Variants in HHAT observed in about 807,000 individuals in gnomAD.
HHAT encodes hedgehog acyltransferase.
HHAT carries 47 observed loss-of-function variants against 70.8 expected under a neutral mutation model. The ratio of observed to expected loss-of-function variants is 0.66; its 90% CI spans 0.53 to 0.85. The LOEUF (loss-of-function observed/expected upper bound fraction) is 0.85, where lower values mean the gene tolerates loss of function less well. Ranked by LOEUF, HHAT falls within the 40% of genes least tolerant of loss-of-function variation. The pLI, the probability that HHAT is intolerant of heterozygous loss-of-function variation, is 0.00. For synonymous variants in HHAT, 228 were observed against 247.6 expected (o/e 0.92, Z 0.74); for missense variants, 609 against 604.8 (o/e 1.01, Z -0.07).
chr1:210,380,505 A>G (rs1323828573), intron 3 of HHAT, among the ~76,000 whole-genome samples: 2 of 152,168 alleles, frequency 1.3e-5, no homozygotes, highest in Admixed American at 6.5e-5. Flanking sequence ...ATGCCACTGC[A>G]CTCCAGCCTG....
At chr1:210,521,278 T>C (rs1358307424) in intron 9 of HHAT, among the ~76,000 whole-genome samples, 3 of 152,134 alleles carry the variant, frequency 2.0e-5, no homozygotes, top group African/African-American at 4.8e-5. Flanking sequence ...CTCCTGGAGG[T>C]TGGTGCAGGT....
intron 7 of HHAT, among the ~76,000 whole-genome samples, chr1:210,455,878 T>A (rs772605576): frequency 6.6e-6 from 1 of 152,204 alleles, no homozygotes; most frequent in Non-Finnish European, 1.5e-5. Context: ...TTTTACTGTT[T>A]GTGTGATTAT....
chr1:210,654,048 ATGGAATAGTGTGACGG>A (rs1558363247), intron 11 of HHAT, among the ~76,000 whole-genome samples: 4 of 220 alleles, frequency 0.018, no homozygotes, highest in African/African-American at 0.028. Context: ...GAATAGTGTG[ATGGAATAGTGTGACGG>A]TGGAATAGTG....
At chr1:210,430,192 T>C (rs2093201943) in intron 7 of HHAT, among the ~76,000 whole-genome samples, 1 of 151,920 alleles carries the variant, frequency 6.6e-6, no homozygotes, top group Non-Finnish European at 1.5e-5. Context: ...TGTGTTCTCT[T>C]GATGAGCCTT....
chr1:210,343,481 G>C (rs922413672), intron 1 of HHAT, among the ~76,000 whole-genome samples: 1 of 152,222 alleles, frequency 6.6e-6, no homozygotes, highest in Non-Finnish European at 1.5e-5. Flanking sequence ...ACAGGCAAGA[G>C]TTGAAAAGAG....
chr1:210,476,018 C>T (rs2094301141), intron 8 of HHAT, among the ~76,000 whole-genome samples: 5 of 152,174 alleles, frequency 3.3e-5, no homozygotes, highest in Admixed American at 2.6e-4. Context: ...AATCCTAATC[C>T]TCTTAATAAG....
At chr1:210,331,255 G>A (rs562418983) in intron 1 of HHAT, among the ~76,000 whole-genome samples, 1 of 152,168 alleles carries the variant, frequency 6.6e-6, no homozygotes, top group Non-Finnish European at 1.5e-5. Context: ...CATCTGGGGG[G>A]GTGTGTTGGT....
intron 9 of HHAT, among the ~76,000 whole-genome samples, chr1:210,576,238 A>G (rs1657704925): frequency 6.6e-6 from 1 of 152,180 alleles, no homozygotes; most frequent in South Asian, 2.1e-4. Flanking sequence ...TGAAAGATAT[A>G]GGAATGCTAC....
chr1:210,646,985 A>G (rs1015625353), intron 11 of HHAT, among the ~76,000 whole-genome samples: 2 of 152,224 alleles, frequency 1.3e-5, no homozygotes, highest in African/African-American at 4.8e-5. Flanking sequence ...CAAGTAATGG[A>G]TGATTTCTTC....
At chr1:210,648,118 C>T (rs183674870) in intron 11 of HHAT, among the ~76,000 whole-genome samples, 20 of 152,206 alleles carry the variant, frequency 1.3e-4, no homozygotes, top group African/African-American at 4.8e-4. Flanking sequence ...ACTGGTCTGA[C>T]CCTCACCACA....
intron 9 of HHAT, among the ~76,000 whole-genome samples, chr1:210,547,911 CT>C (rs2095497370): frequency 6.6e-6 from 1 of 152,116 alleles, no homozygotes; most frequent in African/African-American, 2.4e-5. Context: ...AGCAGATTAA[CT>C]TTGGAACAAT....
intron 8 of HHAT, among the ~76,000 whole-genome samples, chr1:210,497,997 C>T (rs1457226160): frequency 5.9e-5 from 9 of 151,996 alleles, no homozygotes; most frequent in East Asian, 1.9e-4. Context: ...CCTTGTGATC[C>T]GCCCGCCTTG....
chr1:210,357,101 T>C (rs1469902862), intron 2 of HHAT, among the ~76,000 whole-genome samples: 1 of 152,256 alleles, frequency 6.6e-6, no homozygotes, highest in Non-Finnish European at 1.5e-5. Flanking sequence ...CATTGTTATC[T>C]ATGGCCAGGG....
At chr1:210,628,832 T>C (rs114314241) in intron 11 of HHAT, among the ~76,000 whole-genome samples, 22 of 152,336 alleles carry the variant, frequency 1.4e-4, no homozygotes, top group African/African-American at 5.3e-4. Flanking sequence ...AGGGTTGTTA[T>C]TAAATAGAAA....
At chr1:210,607,766 A>G (rs1665791719) in intron 10 of HHAT, among the ~76,000 whole-genome samples, 1 of 151,744 alleles carries the variant, frequency 6.6e-6, no homozygotes. Flanking sequence ...TTTTAACTTA[A>G]TGAAGTCATT....
chr1:210,422,189 T>G (rs572777845), intron 7 of HHAT, among the ~76,000 whole-genome samples: 13 of 152,230 alleles, frequency 8.5e-5, no homozygotes, highest in Non-Finnish European at 1.9e-4. Context: ...TGCGTAGTGA[T>G]GTTTTGATAC....
At chr1:210,368,605 T>G (rs772394728) in intron 3 of HHAT, among the ~76,000 whole-genome samples, 1 of 151,934 alleles carries the variant, frequency 6.6e-6, no homozygotes, top group Non-Finnish European at 1.5e-5. Context: ...TTACCTCCTT[T>G]TAGCCTCAGT....
At chr1:210,622,822 A>C (rs1256698593) in intron 10 of HHAT, among the ~76,000 whole-genome samples, 2 of 152,194 alleles carry the variant, frequency 1.3e-5, no homozygotes, top group Non-Finnish European at 1.5e-5. Context: ...CCAGGGGATC[A>C]TGCTGATCTT....
chr1:210,646,926 CAATTTT>C (rs995858289), intron 11 of HHAT, among the ~76,000 whole-genome samples: 1 of 152,120 alleles, frequency 6.6e-6, no homozygotes, highest in African/African-American at 2.4e-5. Flanking sequence ...CCAGCTATTC[CAATTTT>C]GAGTAAAATT....
Sources: gnomAD v4.1 joint callset for allele counts (sites outside exome capture counted in the v4.1 genomes callset) on GRCh38, gnomAD v4.1.1 for gene constraint, MANE v1.5 for transcripts, NCBI Gene and HGNC (gene_info 2026-07-23, HGNC 2026-07-21) for gene names.